The following LEPR variants were observed in gnomAD, a reference collection of about 807,000 sequenced individuals.
LEPR encodes the protein leptin receptor.
In LEPR, 56 loss-of-function variants were observed where a neutral mutation model predicts 114.7. That is an observed-to-expected ratio of 0.49 (90% CI 0.39 to 0.61). LEPR has a LOEUF of 0.61. Among genes scored for constraint, LEPR ranks in the 20% least tolerant of loss-of-function variants. LEPR has a pLI of 0.00. For missense variants in LEPR, 1,202 were observed against 1,352.9 expected (o/e 0.89, Z 1.75); for synonymous variants, 443 against 461.4 (o/e 0.96, Z 0.51).
chr1:65,548,691 C>T (rs1310016168), intron 2 of LEPR, among the ~76,000 whole-genome samples: 2 of 152,004 alleles, frequency 1.3e-5, no homozygotes, highest in East Asian at 3.9e-4. Context: ...TTATTTTGAG[C>T]CTATGTGTGT....
At chr1:65,505,733 T>C (rs1648691254) in intron 2 of LEPR, among the ~76,000 whole-genome samples, 1 of 143,102 alleles carries the variant, frequency 7.0e-6, no homozygotes, top group South Asian at 2.3e-4. Context: ...CTGTTGCTAG[T>C]CTCTAGGTAA....
At chr1:65,431,108 AAAGATTGAAGGTTTTTGAATACAAC>A (rs561017767) in intron 2 of LEPR, among the ~76,000 whole-genome samples, 3 of 152,308 alleles carry the variant, frequency 2.0e-5, no homozygotes, top group African/African-American at 7.2e-5. Context: ...GATAATGGGG[AAAGATTGAAGGTTTTTGAATACAAC>A]AAGATTGTCA....
chr1:65,421,205 G>T, intron 1 of LEPR: 1 of 1,038,464 alleles, frequency 9.6e-7, no homozygotes, highest in Non-Finnish European at 1.3e-6. Flanking sequence ...ACTGGGCAGA[G>T]TTGACCGCGG....
chr1:65,420,829 T>C, intron 1 of LEPR, 89 bp downstream of exon 1: 7 of 1,482,700 alleles, frequency 4.7e-6, no homozygotes, highest in Non-Finnish European at 6.4e-6. Context: ...CCGCGCGCCG[T>C]TGGGGAACGG....
intron 2 of LEPR, among the ~76,000 whole-genome samples, chr1:65,501,650 G>A (rs181782945): frequency 6.8e-4 from 103 of 152,064 alleles, no homozygotes; most frequent in Non-Finnish European, 1.1e-3. Context: ...CAAAACAGTA[G>A]CGTTCCCATT....
rs1372471167 is a variant in LEPR at position 65,633,161 on chromosome 1, AT to A, written c.2674-3028del. ...TATTTTATCTAAACAGAGAACGGAC[AT>A]TCTTTGAAGTCTAATCATGATCACT... On this transcript the variant is annotated intron_variant, in intron 19 of 19. Coordinates refer to ENST00000349533, the MANE Select transcript of LEPR (RefSeq NM_002303.6). The surrounding 1 kb of genome is among the most constrained non-coding windows in gnomAD (Gnocchi z 4.1). The A allele has an allele frequency of 6.3e-7, 1 of 1,598,580 alleles. No homozygotes were observed. Among genetic ancestry groups the A allele is most frequent in the Non-Finnish European group, 8.6e-7 (1 of 1,167,632 alleles).
chr1:65,548,171 G>A (rs1487985374), intron 2 of LEPR, among the ~76,000 whole-genome samples: 2 of 152,172 alleles, frequency 1.3e-5, no homozygotes, highest in Admixed American at 1.3e-4. Flanking sequence ...TGGTCTGAGA[G>A]ACAGTTTGTT....
chr1:65,504,832 G>C (rs995321011), intron 2 of LEPR, among the ~76,000 whole-genome samples: 4 of 152,052 alleles, frequency 2.6e-5, no homozygotes, highest in African/African-American at 4.8e-5. Flanking sequence ...AAATAATAGG[G>C]GAGATTGGGT....
intron 2 of LEPR, among the ~76,000 whole-genome samples, chr1:65,440,019 A>AAAG (rs1553152434): frequency 1.4e-5 from 2 of 148,038 alleles, no homozygotes; most frequent in Non-Finnish European, 3.0e-5. Context: ...AAAAAAAAAA[A>AAAG]AAAAAGAAAA....
At chr1:65,550,660 G>T (rs1652246969) in intron 2 of LEPR, among the ~76,000 whole-genome samples, 1 of 152,138 alleles carries the variant, frequency 6.6e-6, no homozygotes, top group Non-Finnish European at 1.5e-5. Context: ...CCTTTCCTAA[G>T]CCTGTCGGAA....
intron 2 of LEPR, among the ~76,000 whole-genome samples, chr1:65,428,799 A>G (rs1270081890): frequency 6.6e-6 from 1 of 152,154 alleles, no homozygotes; most frequent in African/African-American, 2.4e-5. Context: ...TGAAGTACTG[A>G]TAGAGAAAAT....
At chr1:65,429,837 G>T in intron 2 of LEPR, 6 of 1,391,018 alleles carry the variant, frequency 4.3e-6, no homozygotes, top group South Asian at 3.8e-5. Context: ...TTTCTTTTTG[G>T]ATTTTGCCTG....
At chr1:65,434,929 G>A in intron 2 of LEPR, 1 of 985,448 alleles carries the variant, frequency 1.0e-6, no homozygotes, top group African/African-American at 1.7e-5. Flanking sequence ...AATGCCTTGT[G>A]ATTATCTTCT....
intron 2 of LEPR, among the ~76,000 whole-genome samples, chr1:65,494,655 T>G (rs1648059080): frequency 6.6e-6 from 1 of 152,150 alleles, no homozygotes; most frequent in South Asian, 2.1e-4. Context: ...AGGCACAAGT[T>G]CTTAAACTTT....
Position 65,595,205 on chromosome 1 carries a change from C to T in LEPR, c.704-1243C>T, listed in dbSNP as rs140900058. Among the ~76,000 whole-genome samples the T allele has an allele frequency of 6.6e-5, 10 of 152,058 alleles. 1 individual carries two copies. The highest frequency in any genetic ancestry group is 2.2e-4 in the African/African-American group (9 of 41,478). ...GCATTAGCTCATTGGTGGAGACAGC[C>T]GTAGTTAGGCAAGTGTCTCTGTGCA... On this transcript the variant is annotated intron_variant, in intron 6 of 19. Coordinates refer to ENST00000349533, the MANE Select transcript of LEPR (RefSeq NM_002303.6).
intron 14 of LEPR, among the ~76,000 whole-genome samples, chr1:65,613,079 C>T (rs1433406456): frequency 6.6e-6 from 1 of 152,140 alleles, no homozygotes; most frequent in African/African-American, 2.4e-5. Flanking sequence ...TGTTCTTCTG[C>T]ATGGGAGATT....
chr1:65,603,290 T>C (rs1439175310), intron 10 of LEPR, among the ~76,000 whole-genome samples: 2 of 152,024 alleles, frequency 1.3e-5, no homozygotes, highest in South Asian at 2.1e-4. Flanking sequence ...TGTTCTTATT[T>C]TCTACCCCCA....
Position 65,596,448 on chromosome 1 carries a change from T to A in LEPR, c.704T>A (p.Val235Glu). The change falls in exon 7 of 20, where the codon GTG becomes GAG. Residue 235 changes from valine (V) to glutamate (E), a missense_variant and splice_region_variant. Coordinates refer to ENST00000349533, the MANE Select transcript of LEPR (RefSeq NM_002303.6). ...AAGTATTCTCTTTTTTTTCCTTAAGTGAAGCCTGATCCACCATTAGGTTTG... is the reference window on the plus strand; with the variant it reads ...AAGTATTCTCTTTTTTTTCCTTAAGAGAAGCCTGATCCACCATTAGGTTTG... ...PLMSVQPINMVKPDPPLGLHM... is the reference protein window; with the variant it reads ...PLMSVQPINMEKPDPPLGLHM... 1 of 1,612,550 alleles carries A rather than the reference T, an allele frequency of 6.2e-7. No homozygotes were observed. The highest frequency in any genetic ancestry group is 1.1e-5 in the South Asian group (1 of 91,052).
chr1:65,530,315 G>A (rs1040867469), intron 2 of LEPR, among the ~76,000 whole-genome samples: 1 of 152,124 alleles, frequency 6.6e-6, no homozygotes, highest in Admixed American at 6.6e-5. Context: ...TACTTCCATG[G>A]CTCTGTTACA....
Sources: gnomAD v4.1 joint callset for allele counts (sites outside exome capture counted in the v4.1 genomes callset) on GRCh38, gnomAD v4.1.1 for gene constraint, Gnocchi (gnomAD v3.1) non-coding constraint, MANE v1.5 for transcripts, NCBI Gene and HGNC (gene_info 2026-07-23, HGNC 2026-07-21) for gene names.